The following GMDS variants were observed in gnomAD, a reference collection of about 807,000 sequenced individuals.
GMDS encodes GDP-mannose 4,6 dehydratase.
GMDS carries 20 observed loss-of-function variants against 49.9 expected under a neutral mutation model. That is an observed-to-expected ratio of 0.40 (90% confidence interval 0.28 to 0.58). GMDS has a LOEUF of 0.58. Ranked by LOEUF, GMDS falls within the 20% of genes least tolerant of loss-of-function variation. GMDS has a pLI of 0.42. For synonymous variants in GMDS, 177 were observed against 178.6 expected (o/e 0.99, Z 0.07); for missense variants, 362 against 481.4 (o/e 0.75, Z 2.32).
chr6:2,127,712 G>C lies in GMDS; in HGVS notation c.103-2981C>G, dbSNP rs139419889. ...GGTCCCCAGCCCAGGGGGCCCAGCT[G>C]GCCGCCCCCTCGTCCTTTCCCCAGG... On this transcript the variant is annotated intron_variant, in intron 1 of 10. Coordinates refer to ENST00000380815, the MANE Select transcript of GMDS (RefSeq NM_001500.4). 8.5e-5 allele frequency among the ~76,000 whole-genome samples: 13 copies of C among 152,350 alleles called. No individual in the cohort carries two copies. In the East Asian group the frequency reaches 2.5e-3, roughly 29 times the overall value.
intron 8 of GMDS, among the ~76,000 whole-genome samples, chr6:1,731,921 C>G (rs890921079): frequency 2.0e-5 from 3 of 152,174 alleles, no homozygotes; most frequent in Non-Finnish European, 4.4e-5. Flanking sequence ...AGGTGATTTG[C>G]ACAGCTGGAG....
intron 4 of GMDS, among the ~76,000 whole-genome samples, chr6:1,995,424 C>T (rs1336022400): frequency 6.6e-6 from 1 of 152,190 alleles, no homozygotes; most frequent in African/African-American, 2.4e-5. Flanking sequence ...AGCAAACCAA[C>T]ACACTTAGGG....
chr6:2,077,291 T>G (rs1347727291), intron 4 of GMDS, among the ~76,000 whole-genome samples: 1 of 152,188 alleles, frequency 6.6e-6, no homozygotes, highest in Non-Finnish European at 1.5e-5. Context: ...TAATCTTGTG[T>G]GATTTGCTAG....
At chr6:2,208,767 C>T (rs1343350317) in intron 1 of GMDS, among the ~76,000 whole-genome samples, 1 of 151,522 alleles carries the variant, frequency 6.6e-6, no homozygotes, top group African/African-American at 2.4e-5. Flanking sequence ...TTAGAAAGAG[C>T]ATGTTTTACT....
intron 6 of GMDS, among the ~76,000 whole-genome samples, chr6:1,942,033 C>T (rs1445389231): frequency 1.3e-5 from 2 of 152,186 alleles, no homozygotes; most frequent in African/African-American, 2.4e-5. Flanking sequence ...CGCTCTCCAG[C>T]GAGAGCTAAG....
chr6:2,071,646 A>T (rs1310411456), intron 4 of GMDS, among the ~76,000 whole-genome samples: 1 of 152,070 alleles, frequency 6.6e-6, no homozygotes, highest in Non-Finnish European at 1.5e-5. Context: ...CAACTGAAAA[A>T]GCTATGAAAA....
intron 7 of GMDS, among the ~76,000 whole-genome samples, chr6:1,882,105 A>C (rs1759392278): frequency 6.6e-6 from 1 of 152,244 alleles, no homozygotes; most frequent in African/African-American, 2.4e-5. Flanking sequence ...TCAATGAAGG[A>C]AGGCATGGGC....
chr6:1,800,008 C>T (rs938584886), intron 7 of GMDS, among the ~76,000 whole-genome samples: 1 of 152,112 alleles, frequency 6.6e-6, no homozygotes, highest in African/African-American at 2.4e-5. Context: ...CTGCAATGGT[C>T]TCAGTGATTC....
intron 4 of GMDS, among the ~76,000 whole-genome samples, chr6:2,076,492 G>A (rs573988141): frequency 3.3e-4 from 50 of 152,214 alleles, no homozygotes; most frequent in Admixed American, 7.9e-4. Flanking sequence ...GAGGCATCAC[G>A]CTACCTGACT....
intron 1 of GMDS, among the ~76,000 whole-genome samples, chr6:2,228,386 T>C (rs1475171186): frequency 2.0e-5 from 3 of 152,174 alleles, no homozygotes; most frequent in Non-Finnish European, 4.4e-5. Context: ...CCAAACCCTC[T>C]CCGTCCCACC....
At chr6:1,941,436 T>C (rs1762819932) in intron 6 of GMDS, among the ~76,000 whole-genome samples, 1 of 152,154 alleles carries the variant, frequency 6.6e-6, no homozygotes, top group Admixed American at 6.5e-5. Flanking sequence ...CCTAACAGTC[T>C]GGATAGTCTG....
At chr6:1,817,064 TAGA>T (rs1233720428) in intron 7 of GMDS, among the ~76,000 whole-genome samples, 1 of 148,916 alleles carries the variant, frequency 6.7e-6, no homozygotes, top group African/African-American at 2.5e-5. Context: ...CATGACTAGA[TAGA>T]AGCTGGTATT....
chr6:1,939,974 T>C (rs1762742478), intron 6 of GMDS, among the ~76,000 whole-genome samples: 2 of 152,216 alleles, frequency 1.3e-5, no homozygotes, highest in South Asian at 2.1e-4. Context: ...CTTACCACAC[T>C]ACACAAAATT....
At position 2,052,727 on chromosome 6, in the gene GMDS, A is replaced by G. The variant is rs1045647660; in HGVS notation, c.345+63044T>C. Among the ~76,000 whole-genome samples, 9 of 152,266 alleles carry G rather than the reference A, an allele frequency of 5.9e-5. No individual in the cohort carries two copies. The South Asian group carries it at 1.9e-3, about 31-fold the overall frequency. ...CTTCCCCCAGCCAGTGGAATAGAAT[A>G]CAGGAGAAACTTTTAAAAGAGGTTT... On this transcript the variant is annotated intron_variant, in intron 4 of 10. Coordinates refer to ENST00000380815, the MANE Select transcript of GMDS (RefSeq NM_001500.4).
chr6:2,235,296 T>A (rs1240197401), intron 1 of GMDS, among the ~76,000 whole-genome samples: 1 of 152,160 alleles, frequency 6.6e-6, no homozygotes, highest in East Asian at 1.9e-4. Flanking sequence ...CTGAGACTAA[T>A]CTATCAGATT....
chr6:2,082,115 A>G (rs1772744137), intron 4 of GMDS, among the ~76,000 whole-genome samples: 1 of 152,156 alleles, frequency 6.6e-6, no homozygotes, highest in Admixed American at 6.5e-5. Context: ...AACATTCAAG[A>G]TGAAGAAAGT....
Position 1,692,171 on chromosome 6 carries a change from A to G in GMDS, c.987+34245T>C, listed in dbSNP as rs59339998. On this transcript the variant is annotated intron_variant, in intron 9 of 10. Coordinates refer to ENST00000380815, the MANE Select transcript of GMDS (RefSeq NM_001500.4). ...CTTCAGCTTTTGAACTCTTGGACTTATACTAGTGATTTGCCAGGGGCTCTT... is the reference window on the plus strand; with the variant it reads ...CTTCAGCTTTTGAACTCTTGGACTTGTACTAGTGATTTGCCAGGGGCTCTT... 2.7e-4 allele frequency among the ~76,000 whole-genome samples: 41 copies of G among 152,348 alleles called. No homozygotes were observed. In the East Asian group the frequency reaches 7.3e-3, roughly 27 times the overall value.
In GMDS at chr6:1,628,313, G is replaced by C. The variant is rs929071012; in HGVS notation, c.988-3773C>G. Among the ~76,000 whole-genome samples the C allele has an allele frequency of 9.8e-5, 15 of 152,304 alleles. No homozygotes were observed. In the East Asian group the frequency reaches 2.5e-3, roughly 25 times the overall value. ...CCCTAACGACAGGTCCCTTTCCTCA[G>C]ATCTCTCCCATCTAGATAACAACGC... On this transcript the variant is annotated intron_variant, in intron 9 of 10. Coordinates refer to ENST00000380815, the MANE Select transcript of GMDS (RefSeq NM_001500.4).
chr6:1,789,519 C>A (rs953500732), intron 7 of GMDS, among the ~76,000 whole-genome samples: 2 of 135,438 alleles, frequency 1.5e-5, no homozygotes, highest in Non-Finnish European at 3.1e-5. Flanking sequence ...ATTATTTTTT[C>A]TTTTTCTTTT....
Sources: allele counts gnomAD v4.1 joint callset (sites outside exome capture counted in the v4.1 genomes callset), GRCh38; gene constraint gnomAD v4.1.1; transcripts MANE v1.5; gene names NCBI Gene and HGNC (gene_info 2026-07-23, HGNC 2026-07-21).